The following ITPR2 variants were observed in gnomAD, a reference collection of about 807,000 sequenced individuals.
The protein encoded by ITPR2 is inositol 1,4,5-trisphosphate receptor type 2, also known as inositol 1,4,5-trisphosphate-gated calcium channel ITPR2.
A neutral mutation model predicts 317.1 loss-of-function variants in ITPR2; 207 were observed. The observed-to-expected ratio is 0.65, with a 90% CI of 0.58 to 0.73. The LOEUF (loss-of-function observed/expected upper bound fraction) is 0.73, where lower values mean the gene tolerates loss of function less well. ITPR2 is among the 30% of genes least tolerant of loss of function. The probability of loss-of-function intolerance (pLI) is 0.00; values close to 1 mark genes in which losing one functional copy is unlikely to be tolerated. For synonymous variants in ITPR2, 1,156 were observed against 1,149.1 expected, an observed-to-expected ratio of 1.01 and a Z score of -0.12; for missense variants, 2,613 against 3,284.0, an observed-to-expected ratio of 0.80 and a Z score of 4.99.
intron 2 of ITPR2, among the ~76,000 whole-genome samples, chr12:26,785,611 G>A (rs1174341024): frequency 2.5e-4 from 8 of 31,924 alleles, no homozygotes; most frequent in Admixed American, 3.6e-4. Context: ...AGGTGGGGGG[G>A]TCAGCCCCCT....
intron 37 of ITPR2, among the ~76,000 whole-genome samples, chr12:26,547,577 C>T (rs553526113): frequency 6.6e-6 from 1 of 152,284 alleles, no homozygotes; most frequent in South Asian, 2.1e-4. Context: ...AAGAAATGAA[C>T]ATATCAAAGG....
chr12:26,811,580 G>A (rs1384287048), intron 1 of ITPR2, among the ~76,000 whole-genome samples: 3 of 151,828 alleles, frequency 2.0e-5, no homozygotes, highest in Non-Finnish European at 4.4e-5. Flanking sequence ...CCAGCTACTC[G>A]GGAGGGTGAG....
intron 55 of ITPR2, among the ~76,000 whole-genome samples, chr12:26,377,129 C>A (rs986445814): frequency 6.6e-6 from 1 of 152,174 alleles, no homozygotes; most frequent in African/African-American, 2.4e-5. Flanking sequence ...CACTGTTTTT[C>A]TAGACATACC....
chr12:26,373,102 C>G lies in ITPR2; in HGVS notation c.7857+14332G>C, dbSNP rs61587332. Among the ~76,000 whole-genome samples the G allele has an allele frequency of 1.3e-3, 202 of 152,274 alleles. 2 individuals are homozygous for G. The East Asian group carries it at 0.018, about 13-fold the overall frequency. Reference sequence around the variant, plus strand: ...AAAGCTGATCCACATATGATCCCCCCAAGGAATACAATGGAAATAGTCAAA... The same window carrying G: ...AAAGCTGATCCACATATGATCCCCCGAAGGAATACAATGGAAATAGTCAAA... On this transcript the variant is annotated intron_variant, in intron 55 of 56. Coordinates refer to ENST00000381340, the MANE Select transcript of ITPR2 (RefSeq NM_002223.4).
rs753549945 is a variant in ITPR2 at position 26,596,885 on chromosome 12, C to G, written c.4252G>C (p.Glu1418Gln). 5.2e-6 allele frequency: 8 copies of G among 1,527,922 alleles called. No homozygotes were observed. The highest frequency in any genetic ancestry group is 6.1e-6 in the Non-Finnish European group (7 of 1,138,386). 94.6% of individuals were successfully genotyped at this position (1,527,922 alleles called of 1,614,324 possible). ...RVVTHDDCIPEVKIAYVNFVN... is the reference protein window; with the variant it reads ...RVVTHDDCIPQVKIAYVNFVN... The stretch of plus-strand genomic sequence containing the variant: ...TGCTAAGCTTTTGCCAGGCTTACCT[C>G]AGGGATGCAGTCGTCATGGGTCACC... Residue 1418 changes from glutamate (E) to glutamine (Q), a missense_variant and splice_region_variant, in exon 31 of 57, where the codon GAG becomes CAG. By Grantham distance (29) the Glu-to-Gln change is conservative (BLOSUM62 2). Coordinates refer to ENST00000381340, the MANE Select transcript of ITPR2 (RefSeq NM_002223.4).
Position 26,595,609 on chromosome 12 carries a change from C to A in ITPR2, c.4255-19G>T. 1 of 1,526,348 alleles carries A rather than the reference C, an allele frequency of 6.6e-7. No individual in the cohort carries two copies. The highest frequency in any genetic ancestry group is 8.7e-7 in the Non-Finnish European group (1 of 1,143,872). The allele number at this position is 1,526,348 out of a possible 1,614,324, so 94.6% of individuals were successfully genotyped here. On this transcript the variant is annotated intron_variant, in intron 31 of 56. Coordinates refer to ENST00000381340, the MANE Select transcript of ITPR2 (RefSeq NM_002223.4). ...TTTTAACCTGTGCAAGTTTCAAATACAAAAGAAAGTTAGTTTTCTTTATTG... is the reference window on the plus strand; with the variant it reads ...TTTTAACCTGTGCAAGTTTCAAATAAAAAAGAAAGTTAGTTTTCTTTATTG...
intron 2 of ITPR2, among the ~76,000 whole-genome samples, chr12:26,731,438 G>A (rs991801534): frequency 6.6e-6 from 1 of 152,188 alleles, no homozygotes; most frequent in Non-Finnish European, 1.5e-5. Flanking sequence ...AAAATGGAAA[G>A]TGGTTAAAAA....
At chr12:26,498,107 G>C (rs1565562532) in intron 37 of ITPR2, among the ~76,000 whole-genome samples, 1 of 152,046 alleles carries the variant, frequency 6.6e-6, no homozygotes, top group Non-Finnish European at 1.5e-5. Flanking sequence ...TTTATTTATT[G>C]GTACTTAAAT....
intron 45 of ITPR2, among the ~76,000 whole-genome samples, chr12:26,462,242 C>A (rs981835522): frequency 5.3e-5 from 8 of 152,084 alleles, no homozygotes; most frequent in Non-Finnish European, 1.2e-4. Flanking sequence ...TCTCGGCTCA[C>A]TGCAACCTCC....
At chr12:26,340,881 C>T (rs11048473) in intron 55 of ITPR2, among the ~76,000 whole-genome samples, 36,252 of 152,126 alleles carry the variant, frequency 0.24, 4,755 homozygotes, top group South Asian at 0.42. Flanking sequence ...GTTACTCTGT[C>T]TGCTCCCTTT....
At chr12:26,634,436 C>A (rs575443882) in intron 21 of ITPR2, among the ~76,000 whole-genome samples, 48 of 152,272 alleles carry the variant, frequency 3.2e-4, no homozygotes, top group African/African-American at 1.1e-3. Flanking sequence ...GTGAAAAAGC[C>A]TACTATAATA....
chr12:26,391,549 TCTTTTCC>T (rs1939839030), intron 54 of ITPR2, among the ~76,000 whole-genome samples: 2 of 111,094 alleles, frequency 1.8e-5, no homozygotes, highest in Non-Finnish European at 3.8e-5. Flanking sequence ...TTCTTCTTCT[TCTTTTCC>T]TTTTTTTTTT....
chr12:26,595,729 T>C (rs868751632), intron 31 of ITPR2, 139 bp from the exon 32 acceptor site: 1 of 713,242 alleles, frequency 1.4e-6, no homozygotes. Flanking sequence ...GAAAGTATTC[T>C]CATTTCTCTT....
intron 37 of ITPR2, among the ~76,000 whole-genome samples, chr12:26,549,565 G>A (rs1455569029): frequency 6.6e-6 from 1 of 151,916 alleles, no homozygotes; most frequent in Admixed American, 6.6e-5. Flanking sequence ...TAACATAAAA[G>A]TACAGACAGC....
chr12:26,676,017 G>T (rs1947899296), intron 13 of ITPR2, among the ~76,000 whole-genome samples: 1 of 151,770 alleles, frequency 6.6e-6, no homozygotes, highest in Non-Finnish European at 1.5e-5. Flanking sequence ...AATTAGCTAG[G>T]TGTGGTGGCA....
At chr12:26,565,568 T>A (rs1211355298) in intron 34 of ITPR2, among the ~76,000 whole-genome samples, 1 of 151,900 alleles carries the variant, frequency 6.6e-6, no homozygotes, top group African/African-American at 2.4e-5. Context: ...GCTTGCTTCA[T>A]ATAATGAAAG....
At chr12:26,340,983 G>A (rs547249388) in intron 55 of ITPR2, among the ~76,000 whole-genome samples, 26 of 152,200 alleles carry the variant, frequency 1.7e-4, no homozygotes, top group Non-Finnish European at 2.2e-4. Context: ...CTGGGTGTAT[G>A]TAGGTGTTTT....
At chr12:26,716,933 T>C (rs1948749084) in intron 5 of ITPR2, among the ~76,000 whole-genome samples, 1 of 152,180 alleles carries the variant, frequency 6.6e-6, no homozygotes, top group Non-Finnish European at 1.5e-5. Context: ...CTCTAATTGA[T>C]TTTTTAATGT....
At chr12:26,546,326 C>T (rs1021300552) in intron 37 of ITPR2, among the ~76,000 whole-genome samples, 8 of 152,062 alleles carry the variant, frequency 5.3e-5, no homozygotes, top group African/African-American at 1.9e-4. Context: ...GGCCTTTAAC[C>T]CAGTTCCCTT....
Sources: gnomAD v4.1 joint callset for allele counts (sites outside exome capture counted in the v4.1 genomes callset) on GRCh38, gnomAD v4.1.1 for gene constraint, MANE v1.5 for transcripts, NCBI Gene and HGNC (gene_info 2026-07-23, HGNC 2026-07-21) for gene names.